TSNARE1: variants seen among roughly 807,000 people sequenced by gnomAD.
TSNARE1 encodes t-SNARE domain-containing protein 1.
Under a neutral mutation model 62.0 loss-of-function variants are expected in TSNARE1, and 49 were observed. The observed-to-expected ratio is 0.79, with a 90% CI of 0.63 to 1.00. The LOEUF is 1.00. Ranked by LOEUF, TSNARE1 falls within the 50% of genes least tolerant of loss-of-function variation. The pLI is 0.00. For synonymous variants in TSNARE1, 328 were observed against 294.4 expected (o/e 1.11, Z -1.17); for missense variants, 755 against 700.1 (o/e 1.08, Z -0.88).
rs1018153070 is a variant in TSNARE1 at position 142,354,884 on chromosome 8, C to A, written c.-39-121G>T. Reference sequence around the variant, plus strand: ...CCCAAGACCCTGGCTCCATTGTACCCATTCCCTAGGCTACTCCAGGCTTCT... The same window carrying A: ...CCCAAGACCCTGGCTCCATTGTACCAATTCCCTAGGCTACTCCAGGCTTCT... On this transcript the variant is annotated intron_variant, in intron 1 of 13. Coordinates refer to ENST00000524325, the MANE Select transcript of TSNARE1 (RefSeq NM_145003.5). The A allele has an allele frequency of 1.6e-5, 10 of 610,934 alleles. No homozygotes were observed. The African/African-American group carries it at 1.7e-4, about 10-fold the overall frequency. The allele number at this position is 610,934 out of a possible 1,614,324, so 37.8% of individuals were successfully genotyped here. A position where few individuals can be genotyped will look rare whatever the true frequency, so the allele number is the denominator to read the frequency against.
Position 142,379,683 on chromosome 8 carries a change from G to A in TSNARE1, c.-40+23421C>T, listed in dbSNP as rs148719756. 5.1e-4 allele frequency among the ~76,000 whole-genome samples: 77 copies of A among 152,300 alleles called. 2 individuals carry two copies. Among genetic ancestry groups the A allele is most frequent in the South Asian group, 1.2e-3 (6 of 4,826 alleles). On this transcript the variant is annotated intron_variant, in intron 1 of 13. Transcript: ENST00000524325. ...AGAAGAGAGACCCCACCAGACAGAC[G>A]CAGCCCCCAGTGCTCCGCCCAAGCC...
chr8:142,279,929 G>GCTCCACA, intron 11 of TSNARE1: 2 of 1,051,576 alleles, frequency 1.9e-6, no homozygotes, highest in Non-Finnish European at 2.3e-6. Context: ...GCCACCATGC[G>GCTCCACA]CTCCACAGGT....
In TSNARE1 at chr8:142,315,093, C is replaced by A. The variant is rs1241662528; in HGVS notation, c.985-1G>T. 6.2e-7 allele frequency: 1 copy of A among 1,614,086 alleles called. No individual in the cohort carries two copies. Among genetic ancestry groups the A allele is most frequent in the Non-Finnish European group, 8.5e-7 (1 of 1,179,998 alleles). Reference sequence around the variant, plus strand: ...GACGCTCCTGCTGCAGACGCTCCTGCTGCAGAGAAGGTACAGCTGGCACGG... The same window carrying A: ...GACGCTCCTGCTGCAGACGCTCCTGATGCAGAGAAGGTACAGCTGGCACGG... On this transcript the variant is annotated splice_acceptor_variant, in intron 7 of 13. Transcript: ENST00000524325. LOFTEE classifies it high-confidence loss of function.
At chr8:142,255,048 C>T (rs1236177593) in intron 12 of TSNARE1, among the ~76,000 whole-genome samples, 1 of 152,038 alleles carries the variant, frequency 6.6e-6, no homozygotes, top group East Asian at 1.9e-4. Flanking sequence ...GAAGGCAGAT[C>T]CCTGTCCCAT....
chr8:142,252,719 C>T (rs985666849), intron 12 of TSNARE1, among the ~76,000 whole-genome samples: 4 of 152,232 alleles, frequency 2.6e-5, no homozygotes, highest in Non-Finnish European at 4.4e-5. Context: ...TGTTTACTTC[C>T]AGCCACCCCT....
At chr8:142,364,899 T>C (rs1835422484) in intron 1 of TSNARE1, among the ~76,000 whole-genome samples, 1 of 152,076 alleles carries the variant, frequency 6.6e-6, no homozygotes, top group Admixed American at 6.5e-5. Context: ...CTAATAACTG[T>C]GGAAGGAATG....
At chr8:142,363,382 A>G (rs952005952) in intron 1 of TSNARE1, among the ~76,000 whole-genome samples, 3 of 152,132 alleles carry the variant, frequency 2.0e-5, no homozygotes, top group Non-Finnish European at 2.9e-5. Context: ...AGTGGGAACC[A>G]GGGGGAGAGG....
At chr8:142,289,997 C>T (rs1170755659) in intron 10 of TSNARE1, among the ~76,000 whole-genome samples, 1 of 152,094 alleles carries the variant, frequency 6.6e-6, no homozygotes, top group Non-Finnish European at 1.5e-5. Flanking sequence ...ATGGGTGGGT[C>T]CCCCCAGGCA....
At chr8:142,320,189 G>A (rs755233566) in intron 6 of TSNARE1, among the ~76,000 whole-genome samples, 4 of 152,274 alleles carry the variant, frequency 2.6e-5, no homozygotes, top group Admixed American at 6.5e-5. Flanking sequence ...AGGCCTGAGC[G>A]ATTCTGCTAA....
intron 1 of TSNARE1, among the ~76,000 whole-genome samples, chr8:142,382,669 C>T (rs1397294282): frequency 6.6e-6 from 1 of 152,196 alleles, no homozygotes; most frequent in African/African-American, 2.4e-5. Flanking sequence ...AGGAGGGGAC[C>T]CATGGGCCCC....
At chr8:142,379,086 C>A (rs911811356) in intron 1 of TSNARE1, among the ~76,000 whole-genome samples, 1 of 152,190 alleles carries the variant, frequency 6.6e-6, no homozygotes, top group African/African-American at 2.4e-5. Flanking sequence ...GAGCAGAGGA[C>A]CAAGCCCGCA....
At chr8:142,268,836 A>C (rs4976986) in intron 12 of TSNARE1, among the ~76,000 whole-genome samples, 41,523 of 152,074 alleles carry the variant, frequency 0.27, 7,979 homozygotes, top group African/African-American at 0.54. Flanking sequence ...AGGGAGCAGA[A>C]AGACACCTGG....
chr8:142,363,010 T>C (rs1481195510), intron 1 of TSNARE1, among the ~76,000 whole-genome samples: 3 of 152,062 alleles, frequency 2.0e-5, no homozygotes, highest in Admixed American at 6.5e-5. Context: ...TCCTAACTCA[T>C]AGACATCTAG....
intron 13 of TSNARE1, among the ~76,000 whole-genome samples, chr8:142,218,436 C>G (rs1339418422): frequency 6.6e-6 from 1 of 152,190 alleles, no homozygotes; most frequent in Non-Finnish European, 1.5e-5. Flanking sequence ...CTTCTTGGAG[C>G]ACAGACCACT....
intron 2 of TSNARE1, among the ~76,000 whole-genome samples, chr8:142,349,223 A>G (rs1833774934): frequency 6.6e-6 from 1 of 152,248 alleles, no homozygotes; most frequent in Non-Finnish European, 1.5e-5. Flanking sequence ...AGACAACTGG[A>G]AAAAAGTACA....
chr8:142,387,375 A>G lies in TSNARE1; in HGVS notation c.-40+15729T>C, dbSNP rs967772904. ...TTCACACCAGACATTTAGAAAAACG[A>G]TAAGATAAACTGAGGAAAATCAGAA... is the stretch of plus-strand genomic sequence containing the variant. On this transcript the variant is annotated intron_variant, in intron 1 of 13. Transcript: ENST00000524325. Among the ~76,000 whole-genome samples, 6 of 152,326 alleles carry G rather than the reference A, an allele frequency of 3.9e-5. No homozygotes were observed. The East Asian group carries it at 9.6e-4, about 24-fold the overall frequency.
chr8:142,309,090 C>A (rs1281843239), intron 9 of TSNARE1, among the ~76,000 whole-genome samples: 5 of 152,194 alleles, frequency 3.3e-5, no homozygotes, highest in Non-Finnish European at 1.5e-5. Context: ...AATTTCCTCT[C>A]CAAACTGTCT....
intron 12 of TSNARE1, among the ~76,000 whole-genome samples, chr8:142,266,739 C>T (rs2130440163): frequency 6.6e-6 from 1 of 152,324 alleles, no homozygotes; most frequent in African/African-American, 2.4e-5. Flanking sequence ...TGGAATCACA[C>T]ATCACATCAA....
chr8:142,314,961 C>A lies in TSNARE1; in HGVS notation c.1074+42G>T, dbSNP rs537579233. 221 of 1,598,844 alleles carry A rather than the reference C, an allele frequency of 1.4e-4. 2 individuals carry two copies. In the South Asian group the frequency reaches 2.3e-3, roughly 17 times the overall value. On this transcript the variant is annotated intron_variant, in intron 8 of 13. Coordinates refer to ENST00000524325, the MANE Select transcript of TSNARE1 (RefSeq NM_145003.5). ...GTGCTCCGGGAACCGAGGCCGACCC[C>A]ACCTGGCCTGCAGACCCCCACTGCC...
Sources: allele counts gnomAD v4.1 joint callset (sites outside exome capture counted in the v4.1 genomes callset), GRCh38; gene constraint gnomAD v4.1.1; transcripts MANE v1.5; gene names NCBI Gene and HGNC (gene_info 2026-07-23, HGNC 2026-07-21).